KLHL20: variants seen among roughly 807,000 people sequenced by gnomAD.
KLHL20 encodes the protein kelch like family member 20.
In KLHL20, 29 loss-of-function variants were observed where a neutral mutation model predicts 69.5. The observed-to-expected ratio is 0.42, with a 90% confidence interval of 0.31 to 0.57. The LOEUF is 0.57. Ranked by LOEUF, KLHL20 falls within the 20% of genes least tolerant of loss-of-function variation. KLHL20 has a pLI of 0.18. For synonymous variants in KLHL20, 253 were observed against 265.2 expected (o/e 0.95, Z 0.45); for missense variants, 419 against 776.0 (o/e 0.54, Z 5.47).
At position 173,744,993 on chromosome 1, in the gene KLHL20, A is replaced by G. The variant is rs557240515; in HGVS notation, c.598-6771A>G. ...TCACCTTATCTAGTTCCAATAAAAT[A>G]ACTTGTTGGCATATTTATTGGGATC... On this transcript the variant is annotated intron_variant, in intron 3 of 11. Transcript: ENST00000209884. 2.0e-5 allele frequency among the ~76,000 whole-genome samples: 3 copies of G among 152,226 alleles called. No homozygotes were observed. In the South Asian group the frequency reaches 6.2e-4, roughly 32 times the overall value.
chr1:173,753,088 A>C (rs548741481), intron 4 of KLHL20, 125 bp from the exon 5 acceptor site: 3 of 697,426 alleles, frequency 4.3e-6, no homozygotes, highest in Non-Finnish European at 7.3e-6. Flanking sequence ...TAGGCACATC[A>C]CTTGAGCCCA....
chr1:173,775,989 T>C (rs1648440161), intron 10 of KLHL20, 147 bp downstream of exon 10: 1 of 674,866 alleles, frequency 1.5e-6, no homozygotes, highest in Non-Finnish European at 2.5e-6. Flanking sequence ...GATCATATGA[T>C]ATTTCTATTT....
intron 2 of KLHL20, among the ~76,000 whole-genome samples, chr1:173,732,085 T>C (rs1210995291): frequency 6.6e-6 from 1 of 151,536 alleles, no homozygotes; most frequent in African/African-American, 2.4e-5. Context: ...TAGTCCCAGC[T>C]ACTTGGGAGG....
chr1:173,776,425 A>T (rs1355130774), intron 10 of KLHL20, among the ~76,000 whole-genome samples: 2 of 151,900 alleles, frequency 1.3e-5, no homozygotes, highest in Non-Finnish European at 2.9e-5. Context: ...TTTTGACTTA[A>T]TGTGATCCCA....
rs372179581 is a variant in KLHL20 at position 173,753,852 on chromosome 1, GA to G, written c.851+551del. Among the ~76,000 whole-genome samples the G allele has an allele frequency of 2.4e-3, 363 of 152,078 alleles. 2 individuals carry two copies. The highest frequency in any genetic ancestry group is 7.5e-3 in the African/African-American group (313 of 41,510). On this transcript the variant is annotated intron_variant, in intron 5 of 11. Transcript: ENST00000209884. ...TCTTAACTACTTTTTCAAAGGGGGG[GA>G]AAAAAGCAACCTATTTTACTAGGCT...
chr1:173,759,739 G>C (rs914273002), intron 7 of KLHL20, among the ~76,000 whole-genome samples: 6 of 151,944 alleles, frequency 3.9e-5, no homozygotes, highest in Non-Finnish European at 7.4e-5. Context: ...TTCATCCCTA[G>C]ACCTTCCCTC....
chr1:173,730,208 T>C (rs200969413), intron 2 of KLHL20, among the ~76,000 whole-genome samples: 3 of 151,958 alleles, frequency 2.0e-5, no homozygotes, highest in South Asian at 2.1e-4. Context: ...CACTGCTCAA[T>C]GAAATAAAAG....
chr1:173,724,083 G>A (rs1029548086), intron 2 of KLHL20, among the ~76,000 whole-genome samples: 3 of 151,580 alleles, frequency 2.0e-5, no homozygotes, highest in Non-Finnish European at 2.9e-5. Context: ...TGATATCACC[G>A]CAATCAAGGT....
chr1:173,766,382 C>T (rs1257465880), intron 8 of KLHL20, 93 bp downstream of exon 8: 9 of 1,161,738 alleles, frequency 7.7e-6, no homozygotes, highest in Non-Finnish European at 1.0e-5. Flanking sequence ...TGGTGGCTCA[C>T]ACCTGTAATC....
intron 2 of KLHL20, among the ~76,000 whole-genome samples, chr1:173,732,034 A>G (rs1672305599): frequency 6.6e-6 from 1 of 152,048 alleles, no homozygotes. Context: ...CGTCTCTACT[A>G]AAAATACGAA....
chr1:173,775,323 A>C (rs900146018), intron 9 of KLHL20, among the ~76,000 whole-genome samples: 3 of 152,218 alleles, frequency 2.0e-5, no homozygotes, highest in African/African-American at 4.8e-5. Context: ...TCATGTAGTC[A>C]GGCTCCCCAT....
At chr1:173,721,693 C>A (rs1671723583) in intron 2 of KLHL20, among the ~76,000 whole-genome samples, 1 of 152,226 alleles carries the variant, frequency 6.6e-6, no homozygotes, top group Non-Finnish European at 1.5e-5. Context: ...AAAACATTCA[C>A]AACCAAGTTT....
intron 2 of KLHL20, among the ~76,000 whole-genome samples, chr1:173,732,250 G>A (rs1004277567): frequency 2.6e-5 from 4 of 151,334 alleles, no homozygotes; most frequent in African/African-American, 9.7e-5. Flanking sequence ...AGCTACTCAG[G>A]AGGACTGCTT....
At chr1:173,783,948 G>A (rs1197986294) in intron 11 of KLHL20, among the ~76,000 whole-genome samples, 1 of 151,762 alleles carries the variant, frequency 6.6e-6, no homozygotes, top group East Asian at 1.9e-4. Context: ...CCTGCCAAGC[G>A]CACGCCTGTA....
chr1:173,722,453 C>G (rs1346434324), intron 2 of KLHL20, among the ~76,000 whole-genome samples: 1 of 151,796 alleles, frequency 6.6e-6, no homozygotes, highest in Admixed American at 6.6e-5. Flanking sequence ...GAGTCTTTGT[C>G]TCTACCAAAA....
intron 2 of KLHL20, among the ~76,000 whole-genome samples, chr1:173,726,055 G>A (rs752805835): frequency 1.3e-5 from 2 of 152,106 alleles, no homozygotes; most frequent in Admixed American, 6.5e-5. Flanking sequence ...CCTTAATACT[G>A]CGCTTTTCCA....
rs559674964 is a variant in KLHL20, at chr1:173,751,951, C to G, written c.756+29C>G. The G allele has an allele frequency of 8.1e-6, 13 of 1,603,628 alleles. No homozygotes were observed. The East Asian group carries it at 2.0e-4, about 25-fold the overall frequency. On this transcript the variant is annotated intron_variant, in intron 4 of 11. Coordinates refer to ENST00000209884, the MANE Select transcript of KLHL20 (RefSeq NM_014458.4). ...ATGATAGAAATTCTTCTCTAAGAAA[C>G]TGCTGACCGGGCATGGTGGCTCATG...
rs1649128257 is a variant in KLHL20 at position 173,785,145 on chromosome 1, A to G, written c.1746-18A>G. 1.2e-6 allele frequency: 2 copies of G among 1,601,816 alleles called. No individual in the cohort carries two copies. The highest frequency in any genetic ancestry group is 1.7e-6 in the Non-Finnish European group (2 of 1,171,528). On this transcript the variant is annotated intron_variant, in intron 11 of 11. Coordinates refer to ENST00000209884, the MANE Select transcript of KLHL20 (RefSeq NM_014458.4). ...TATTTTCCAGTTAGAAAATATGATT[A>G]TGTTTCTTTCTTTGCAGGTTATATG...
intron 2 of KLHL20, among the ~76,000 whole-genome samples, chr1:173,724,161 A>G (rs1022609389): frequency 1.3e-5 from 2 of 150,434 alleles, no homozygotes; most frequent in Non-Finnish European, 2.9e-5. Context: ...CATGATATAT[A>G]TGTTTTGGGG....
Sources: gnomAD v4.1 joint callset for allele counts (sites outside exome capture counted in the v4.1 genomes callset) on GRCh38, gnomAD v4.1.1 for gene constraint, MANE v1.5 for transcripts, NCBI Gene and HGNC (gene_info 2026-07-23, HGNC 2026-07-21) for gene names.